Variants in FER observed in about 807,000 individuals in gnomAD.
The protein encoded by FER is FER tyrosine kinase.
In FER, 63 loss-of-function variants were observed where a neutral mutation model predicts 111.0. The observed-to-expected ratio is 0.57, with a 90% CI of 0.46 to 0.70. The LOEUF is 0.70. Among genes scored for constraint, FER ranks in the 30% least tolerant of loss-of-function variants. The pLI is 0.00. For synonymous variants in FER, 327 were observed against 313.9 expected, an observed-to-expected ratio of 1.04 and a Z score of -0.44; for missense variants, 914 against 954.0, an observed-to-expected ratio of 0.96 and a Z score of 0.55.
chr5:109,188,912 T>C lies in FER; in HGVS notation c.*1337T>C, dbSNP rs1481273399. 5 of 150,026 alleles carry C rather than the reference T, an allele frequency of 3.3e-5. No homozygotes were observed. 9.3% of individuals were successfully genotyped at this position (150,026 alleles called of 1,614,324 possible). ...TCACCAACACATTCACGTGTGTACATGCGCGTGCACACACACCACCAAGGT... is the reference window on the plus strand; with the variant it reads ...TCACCAACACATTCACGTGTGTACACGCGCGTGCACACACACCACCAAGGT... On this transcript the variant is annotated 3_prime_UTR_variant, in exon 20 of 20. Transcript: ENST00000281092.
chr5:108,981,883 G>T (rs1384580166), intron 13 of FER, among the ~76,000 whole-genome samples: 5 of 152,066 alleles, frequency 3.3e-5, no homozygotes, highest in African/African-American at 1.2e-4. Context: ...TAAGAGGAGA[G>T]TGCCTGTAAT....
chr5:108,922,799 C>A (rs1442619770), intron 10 of FER, among the ~76,000 whole-genome samples: 1 of 152,046 alleles, frequency 6.6e-6, no homozygotes, highest in Admixed American at 6.6e-5. Flanking sequence ...TATATCAACA[C>A]TTAAGTAGAA....
At chr5:109,130,187 A>G (rs1054628010) in intron 17 of FER, among the ~76,000 whole-genome samples, 3 of 152,036 alleles carry the variant, frequency 2.0e-5, no homozygotes, top group South Asian at 2.1e-4. Flanking sequence ...TTTTTATCCC[A>G]TAGTAAATAT....
chr5:108,867,418 CTTTCTTGG>C (rs1554082025), intron 5 of FER, among the ~76,000 whole-genome samples: 1 of 152,038 alleles, frequency 6.6e-6, no homozygotes, highest in Non-Finnish European at 1.5e-5. Flanking sequence ...TATTTACAAA[CTTTCTTGG>C]TTTCTTGGTT....
At chr5:108,945,347 G>GT (rs777390793) in intron 10 of FER, among the ~76,000 whole-genome samples, 3 of 149,022 alleles carry the variant, frequency 2.0e-5, no homozygotes, top group African/African-American at 4.9e-5. Flanking sequence ...TCCTAGTTTT[G>GT]GTTTTTTTTC....
intron 3 of FER, among the ~76,000 whole-genome samples, chr5:108,829,929 A>G (rs1580760253): frequency 6.6e-6 from 1 of 152,206 alleles, no homozygotes; most frequent in South Asian, 2.1e-4. Flanking sequence ...GATTAGACCT[A>G]TAGGATATTT....
intron 2 of FER, among the ~76,000 whole-genome samples, chr5:108,781,472 G>T (rs896182209): frequency 6.6e-6 from 1 of 152,174 alleles, no homozygotes; most frequent in African/African-American, 2.4e-5. Flanking sequence ...GATTACAGGC[G>T]TGAGCCACCG....
At chr5:109,108,831 T>C (rs1749259812) in intron 17 of FER, among the ~76,000 whole-genome samples, 2 of 152,274 alleles carry the variant, frequency 1.3e-5, no homozygotes, top group South Asian at 2.1e-4. Flanking sequence ...CTTTCTGGCC[T>C]CCAAGGCAGG....
chr5:109,086,958 G>A (rs570550880), intron 16 of FER, among the ~76,000 whole-genome samples: 3 of 148,358 alleles, frequency 2.0e-5, no homozygotes, highest in Admixed American at 6.8e-5. Flanking sequence ...CTTTGTCTGT[G>A]TCTAATCTCC....
intron 16 of FER, among the ~76,000 whole-genome samples, chr5:109,075,165 T>G (rs1776178062): frequency 6.6e-6 from 1 of 152,146 alleles, no homozygotes; most frequent in Non-Finnish European, 1.5e-5. Context: ...GCTGTCTCTT[T>G]TCTTGTTCTT....
chr5:108,972,682 T>C (rs997069280), intron 13 of FER, among the ~76,000 whole-genome samples: 8 of 150,320 alleles, frequency 5.3e-5, no homozygotes, highest in African/African-American at 2.0e-4. Flanking sequence ...ATACTTGATA[T>C]TATTTTTGAA....
intron 4 of FER, among the ~76,000 whole-genome samples, chr5:108,833,303 T>C (rs933493513): frequency 3.3e-5 from 5 of 152,184 alleles, no homozygotes; most frequent in African/African-American, 1.2e-4. Context: ...AGAATTACTT[T>C]TGGTATTCTT....
intron 13 of FER, 81 bp downstream of exon 13, chr5:108,959,428 C>T: frequency 1.4e-6 from 2 of 1,440,246 alleles, no homozygotes; most frequent in Non-Finnish European, 1.9e-6. Flanking sequence ...AAATAAAATT[C>T]TTAGGTTATA....
chr5:109,016,610 A>G (rs1294916023), intron 13 of FER, among the ~76,000 whole-genome samples: 2 of 152,082 alleles, frequency 1.3e-5, no homozygotes, highest in African/African-American at 2.4e-5. Flanking sequence ...TGTAAATCAA[A>G]TGACTTAATT....
intron 2 of FER, among the ~76,000 whole-genome samples, chr5:108,791,363 T>C (rs1444575192): frequency 6.6e-6 from 1 of 152,132 alleles, no homozygotes; most frequent in Non-Finnish European, 1.5e-5. Context: ...CTCATTATAG[T>C]TCTGATTTGA....
rs570484652 is a variant in FER at position 109,062,777 on chromosome 5, A to G, written c.1924+15579A>G. ...ACTTTTTCTTTCCCTAGGGATTAGT[A>G]ACTACTCCCTTCTTTCTGACCTGAA... On this transcript the variant is annotated intron_variant, in intron 16 of 19. Transcript: ENST00000281092. Among the ~76,000 whole-genome samples, 46 of 152,286 alleles carry G rather than the reference A, an allele frequency of 3.0e-4. 3 individuals carry two copies. The highest frequency in any genetic ancestry group is 6.8e-3 in the Middle Eastern group (2 of 294).
In FER at chr5:108,772,320, G is replaced by GTATGTA. The variant is rs111439913; in HGVS notation, c.-60+4085_-60+4086insGTATAT. The stretch of plus-strand genomic sequence containing the variant: ...CCTGTTATGCCATATATATATGTAT[G>GTATGTA]TATATATATATACACATATATATGT... On this transcript the variant is annotated intron_variant, in intron 2 of 19. Coordinates refer to ENST00000281092, the MANE Select transcript of FER (RefSeq NM_005246.4). 3.7e-4 allele frequency among the ~76,000 whole-genome samples: 48 copies of GTATGTA among 130,906 alleles called. 2 individuals carry two copies. Among genetic ancestry groups the GTATGTA allele is most frequent in the South Asian group, 2.6e-3 (11 of 4,218 alleles). The allele number at this position is 130,906 out of a possible 152,430, so 85.9% of individuals were successfully genotyped here.
intron 2 of FER, 104 bp from the exon 3 acceptor site, chr5:108,798,019 GT>G (rs367745679): frequency 0.23 from 88,256 of 391,354 alleles, 3,891 homozygotes; most frequent in Middle Eastern, 0.3. Context: ...ATTCAGTTGT[GT>G]TTTTTTTTTT....
At chr5:108,884,512 G>GTTTTTTTT (rs776345488) in intron 9 of FER, among the ~76,000 whole-genome samples, 6 of 144,590 alleles carry the variant, frequency 4.1e-5, no homozygotes, top group Admixed American at 2.1e-4. Context: ...CTTATGCCTG[G>GTTTTTTTT]TTTTTTTTTT....
Sources: allele counts gnomAD v4.1 joint callset (sites outside exome capture counted in the v4.1 genomes callset), GRCh38; gene constraint gnomAD v4.1.1; transcripts MANE v1.5; gene names NCBI Gene and HGNC (gene_info 2026-07-23, HGNC 2026-07-21).